The following C7 variants were observed in gnomAD, a reference collection of about 807,000 sequenced individuals.
C7 encodes complement component C7.
In C7, 83 loss-of-function variants were observed where a neutral mutation model predicts 104.8. The observed-to-expected ratio is 0.79, with a 90% CI of 0.66 to 0.95. The LOEUF (loss-of-function observed/expected upper bound fraction) is 0.95, where lower values mean the gene tolerates loss of function less well. Ranked by LOEUF, C7 falls within the 40% of genes least tolerant of loss-of-function variation. C7 has a pLI of 0.00. For synonymous variants in C7, 415 were observed against 360.6 expected (o/e 1.15, Z -1.71); for missense variants, 1,070 against 1,011.2 (o/e 1.06, Z -0.79).
At chr5:40,932,848 A>C (rs1739724869) in intron 3 of C7, among the ~76,000 whole-genome samples, 1 of 152,194 alleles carries the variant, frequency 6.6e-6, no homozygotes, top group Non-Finnish European at 1.5e-5. Context: ...GATTATAAAA[A>C]CAAAATTTTC....
rs370613498 is a variant in C7, at chr5:40,922,882, A to T, written c.7-5698A>T. On this transcript the variant is annotated intron_variant, in intron 1 of 17. Coordinates refer to ENST00000313164, the MANE Select transcript of C7 (RefSeq NM_000587.4). ...TGAAATTATGAAACAACTAGAAGAA[A>T]ACATAGGGAAACAGCATAGATCAAT... Among the ~76,000 whole-genome samples, 33 of 152,274 alleles carry T rather than the reference A, an allele frequency of 2.2e-4. No individual in the cohort carries two copies. The East Asian group carries it at 5.8e-3, about 27-fold the overall frequency.
At chr5:40,924,380 C>T (rs1386918333) in intron 1 of C7, among the ~76,000 whole-genome samples, 2 of 152,306 alleles carry the variant, frequency 1.3e-5, no homozygotes, top group African/African-American at 2.4e-5. Flanking sequence ...TTTGGCTTTG[C>T]AGGGTTCAGC....
At chr5:40,968,584 ATATATATATATATATATTTTTTTTTTT>A (rs1158579763) in intron 14 of C7, among the ~76,000 whole-genome samples, 102 of 50,648 alleles carry the variant, frequency 2.0e-3, no homozygotes, top group East Asian at 5.5e-3. Flanking sequence ...ATATATATAT[ATATATATATATATATATTTTTTTTTTT>A]TTTTTTTTTT....
intron 1 of C7, among the ~76,000 whole-genome samples, chr5:40,912,039 C>T (rs1181380644): frequency 3.3e-5 from 5 of 152,164 alleles, no homozygotes; most frequent in East Asian, 1.9e-4. Context: ...TGAACCACCA[C>T]GCCCGGCCCC....
chr5:40,931,180 G>GAAAATA (rs1368619584), intron 3 of C7, 41 bp downstream of exon 3: 1 of 1,485,050 alleles, frequency 6.7e-7, no homozygotes, highest in Non-Finnish European at 9.4e-7. Context: ...ATTTATTGCA[G>GAAAATA]AAATACTTTG....
rs190231126 is a variant in C7 at position 40,952,642 on chromosome 5, C to A, written c.1093+2628C>A. ...TATATCTCCTAATGCTATCCCTCCCCCCTCTCCCCACCCCACTACAGGCCC... is the reference window on the plus strand; with the variant it reads ...TATATCTCCTAATGCTATCCCTCCCACCTCTCCCCACCCCACTACAGGCCC... On this transcript the variant is annotated intron_variant, in intron 9 of 17. Coordinates refer to ENST00000313164, the MANE Select transcript of C7 (RefSeq NM_000587.4). Among the ~76,000 whole-genome samples the A allele has an allele frequency of 9.3e-3, 1,418 of 152,200 alleles. 19 individuals are homozygous for A. Among genetic ancestry groups the A allele is most frequent in the African/African-American group, 0.033 (1,368 of 41,504 alleles).
intron 2 of C7, among the ~76,000 whole-genome samples, chr5:40,929,364 C>T (rs1739628146): frequency 6.6e-6 from 1 of 152,116 alleles, no homozygotes; most frequent in African/African-American, 2.4e-5. Flanking sequence ...TCTCCATTTC[C>T]CCAGGACAGA....
chr5:40,916,144 T>A (rs1326874853), intron 1 of C7, among the ~76,000 whole-genome samples: 2 of 150,524 alleles, frequency 1.3e-5, no homozygotes, highest in East Asian at 1.9e-4. Flanking sequence ...AAACTACCTA[T>A]AATTTGACAA....
intron 9 of C7, among the ~76,000 whole-genome samples, chr5:40,953,510 G>T (rs1045504862): frequency 6.6e-6 from 1 of 151,792 alleles, no homozygotes; most frequent in Admixed American, 6.6e-5. Context: ...GTGTGGTGGC[G>T]CACGCCTGTA....
rs1391384512 is a variant in C7, at chr5:40,976,900, T to C, written c.2165+60T>C. On this transcript the variant is annotated intron_variant, in intron 16 of 17. Transcript: ENST00000313164. ...TTTATTAATGATAAGGGATAATTTCTTAGATAATAGTGTCTGTTGGATGGA... is the reference window on the plus strand; with the variant it reads ...TTTATTAATGATAAGGGATAATTTCCTAGATAATAGTGTCTGTTGGATGGA... 3.8e-6 allele frequency: 5 copies of C among 1,307,130 alleles called. No individual in the cohort carries two copies. The African/African-American group carries it at 4.4e-5, about 12-fold the overall frequency. 81.0% of individuals were successfully genotyped at this position (1,307,130 alleles called of 1,614,324 possible).
At chr5:40,936,853 G>C (rs919559681) in intron 5 of C7, among the ~76,000 whole-genome samples, 1 of 152,108 alleles carries the variant, frequency 6.6e-6, no homozygotes, top group African/African-American at 2.4e-5. Context: ...AGAGAATGAA[G>C]AGACAATAGA....
At chr5:40,948,014 T>C (rs1052982893) in intron 8 of C7, among the ~76,000 whole-genome samples, 169 bp downstream of exon 8, 1 of 152,228 alleles carries the variant, frequency 6.6e-6, no homozygotes, top group Non-Finnish European at 1.5e-5. Flanking sequence ...AAATCTTATA[T>C]GGTTTAAGAA....
At chr5:40,969,398 T>A (rs975630781) in intron 14 of C7, among the ~76,000 whole-genome samples, 3 of 150,742 alleles carry the variant, frequency 2.0e-5, no homozygotes, top group African/African-American at 7.2e-5. Context: ...TGTAAGTCTG[T>A]TTCTATTGTT....
At chr5:40,962,019 C>T (rs371636344) in intron 12 of C7, 66 bp from the exon 13 acceptor site, 97 of 778,478 alleles carry the variant, frequency 1.2e-4, no homozygotes, top group Middle Eastern at 2.9e-4. Context: ...AGAAATCCAA[C>T]GTAATGCAAA....
At chr5:40,947,553 CTTT>C in intron 7 of C7, 46 bp from the exon 8 acceptor site, 1 of 1,599,710 alleles carries the variant, frequency 6.3e-7, no homozygotes, top group Non-Finnish European at 8.5e-7. Context: ...TTTCCATTGC[CTTT>C]TTATCTTCCA....
intron 14 of C7, among the ~76,000 whole-genome samples, 185 bp from the exon 15 acceptor site, chr5:40,972,218 G>A (rs1561259266): frequency 6.6e-6 from 1 of 152,062 alleles, no homozygotes; most frequent in African/African-American, 2.4e-5. Context: ...GATATTCATG[G>A]GTCAATTACG....
intron 1 of C7, among the ~76,000 whole-genome samples, chr5:40,917,045 G>T (rs972500769): frequency 6.6e-6 from 1 of 150,932 alleles, no homozygotes; most frequent in African/African-American, 2.4e-5. Flanking sequence ...TGAGGCAAGA[G>T]AATCACTTGA....
At chr5:40,969,621 G>T (rs1306808953) in intron 14 of C7, among the ~76,000 whole-genome samples, 1 of 152,114 alleles carries the variant, frequency 6.6e-6, no homozygotes, top group African/African-American at 2.4e-5. Context: ...CCAACTGAAG[G>T]TATGGGCTTT....
In C7 at chr5:40,945,245, G is replaced by A; in HGVS notation, c.615G>A (p.Trp205Ter). ...ATTATGAATTTTACAATAGTACTTG[G>A]TCTTATGTAAAACATACGTCGACAG... is the stretch of plus-strand genomic sequence containing the variant. ...DFNYEFYNST[W>*]SYVKHTSTEH... is the part of the protein sequence containing the mutation. Residue 205 changes from tryptophan to a stop codon, truncating the protein, a stop_gained, in exon 7 of 18, where the codon TGG becomes TGA. Transcript: ENST00000313164. LOFTEE classifies it high-confidence loss of function. 1 of 1,558,758 alleles carries A rather than the reference G, an allele frequency of 6.4e-7. No individual in the cohort carries two copies. Among genetic ancestry groups the A allele is most frequent in the Non-Finnish European group, 8.7e-7 (1 of 1,147,256 alleles).
Sources: gnomAD v4.1 joint callset for allele counts (sites outside exome capture counted in the v4.1 genomes callset) on GRCh38, gnomAD v4.1.1 for gene constraint, MANE v1.5 for transcripts, NCBI Gene and HGNC (gene_info 2026-07-23, HGNC 2026-07-21) for gene names.